TARS3: variants seen among roughly 807,000 people sequenced by gnomAD.
TARS3 encodes threonine--tRNA ligase 2, cytoplasmic.
A neutral mutation model predicts 103.5 loss-of-function variants in TARS3; 94 were observed. That is an observed-to-expected ratio of 0.91 (90% confidence interval 0.77 to 1.08). The LOEUF is 1.08. Ranked by LOEUF, TARS3 falls within the 50% of genes least tolerant of loss-of-function variation. TARS3 has a pLI of 0.00. For synonymous variants in TARS3, 416 were observed against 355.4 expected (o/e 1.17, Z -1.92); for missense variants, 952 against 995.2 (o/e 0.96, Z 0.58).
In TARS3 at chr15:101,721,131, T is replaced by C. The variant is rs139835556; in HGVS notation, c.561A>G (p.Glu187=). The change falls in exon 3 of 19, where the codon GAA becomes GAG. Residue 187 remains glutamate (E), a synonymous_variant. Coordinates refer to ENST00000335968, the MANE Select transcript of TARS3 (RefSeq NM_152334.3). ...TTTTCCACACTGCGGTTTACCTAAT[T>C]TCAGCAGCCACTTGGTAAGGCGTTG... ...WKTTPYQVAA[E]ISQELAESTV... is the part of the protein sequence containing the mutation. The C allele has an allele frequency of 3.1e-3, 4,959 of 1,595,024 alleles. 10 individuals carry two copies. Among genetic ancestry groups the C allele is most frequent in the Non-Finnish European group, 3.9e-3 (4,506 of 1,164,260 alleles).
chr15:101,700,289 C>T (rs1270691021), intron 10 of TARS3, among the ~76,000 whole-genome samples: 1 of 152,174 alleles, frequency 6.6e-6, no homozygotes, highest in African/African-American at 2.4e-5. Context: ...ACTTTCCCAC[C>T]TATGAACTTG....
chr15:101,675,504 T>C, intron 13 of TARS3, 96 bp downstream of exon 13: 1 of 1,254,120 alleles, frequency 8.0e-7, no homozygotes, highest in Non-Finnish European at 1.1e-6. Context: ...TCAAAATTTC[T>C]ATTACAAATT....
intron 10 of TARS3, among the ~76,000 whole-genome samples, chr15:101,691,619 A>G (rs1898728111): frequency 1.3e-5 from 2 of 152,168 alleles, no homozygotes; most frequent in South Asian, 4.1e-4. Flanking sequence ...CACATATTTG[A>G]GATTCACAAC....
chr15:101,656,893 T>G, intron 18 of TARS3, 29 bp downstream of exon 18: 2 of 1,454,740 alleles, frequency 1.4e-6, no homozygotes, highest in South Asian at 1.2e-5. Flanking sequence ...AAAAAAGCAT[T>G]TGGAAAAATA....
At chr15:101,702,185 C>A in intron 9 of TARS3, 54 bp downstream of exon 9, 2 of 1,589,382 alleles carry the variant, frequency 1.3e-6, no homozygotes, top group Non-Finnish European at 1.7e-6. Context: ...GAGACAGAAA[C>A]ATTCCTATGT....
At chr15:101,675,482 T>A in intron 13 of TARS3, 118 bp downstream of exon 13, 1 of 968,732 alleles carries the variant, frequency 1.0e-6, no homozygotes, top group Non-Finnish European at 1.6e-6. Flanking sequence ...ATCTATCTCA[T>A]AATTTCCAGG....
chr15:101,684,638 A>T (rs1898392005), intron 11 of TARS3, among the ~76,000 whole-genome samples: 1 of 152,140 alleles, frequency 6.6e-6, no homozygotes, highest in African/African-American at 2.4e-5. Flanking sequence ...GTCTTTTTAT[A>T]ACAGATTGTC....
intron 13 of TARS3, among the ~76,000 whole-genome samples, chr15:101,672,502 TGCCCATGAGGGGGCAGAC>T (rs1259637160): frequency 1.3e-5 from 2 of 151,940 alleles, no homozygotes; most frequent in African/African-American, 4.8e-5. Context: ...AACATACGGG[TGCCCATGAGGGGGCAGAC>T]TTGGGAGTGA....
At chr15:101,665,015 G>A (rs915949794) in intron 15 of TARS3, among the ~76,000 whole-genome samples, 1 of 152,142 alleles carries the variant, frequency 6.6e-6, no homozygotes, top group African/African-American at 2.4e-5. Context: ...GTAAAGAGTT[G>A]GTGAATTTGA....
intron 16 of TARS3, 110 bp from the exon 17 acceptor site, chr15:101,657,967 C>T (rs1445462504): frequency 3.1e-6 from 2 of 649,742 alleles, no homozygotes; most frequent in East Asian, 3.0e-5. Flanking sequence ...AGGGCAGTTT[C>T]AGTAGCGCAG....
chr15:101,705,562 C>A (rs936098473), intron 7 of TARS3, 121 bp downstream of exon 7: 4 of 752,826 alleles, frequency 5.3e-6, no homozygotes, highest in East Asian at 2.7e-5. Context: ...ATTGTAACTA[C>A]GGTAGATTAT....
At chr15:101,676,800 C>CA (rs1326154455) in intron 12 of TARS3, among the ~76,000 whole-genome samples, 1 of 147,874 alleles carries the variant, frequency 6.8e-6, no homozygotes, top group Non-Finnish European at 1.5e-5. Flanking sequence ...AGCCACTACA[C>CA]CCTTTTTTTT....
chr15:101,675,293 C>T (rs547845482), intron 13 of TARS3, among the ~76,000 whole-genome samples: 7 of 152,322 alleles, frequency 4.6e-5, no homozygotes, highest in Admixed American at 1.3e-4. Flanking sequence ...AAATAAACCA[C>T]ACAAACCGAG....
rs2141374932 is a variant in TARS3 at position 101,654,207 on chromosome 15, A to G, written c.*375T>C. 5.9e-6 allele frequency: 1 copy of G among 168,378 alleles called. No individual in the cohort carries two copies. 10.4% of individuals were successfully genotyped at this position (168,378 alleles called of 1,614,324 possible). On this transcript the variant is annotated 3_prime_UTR_variant, in exon 19 of 19. Coordinates refer to ENST00000335968, the MANE Select transcript of TARS3 (RefSeq NM_152334.3). ...AAAAATACCTGAGACATATTAGAAA[A>G]TAAGATTTTCCCTCCTATTTAAAAA...
At chr15:101,714,605 C>CAAAAAAAAAAAA (rs35014693) in intron 4 of TARS3, 1 of 77,462 alleles carries the variant, frequency 1.3e-5, no homozygotes, top group Admixed American at 2.0e-4. Context: ...GACTCCATCT[C>CAAAAAAAAAAAA]AAAAAAAAAA....
At chr15:101,702,879 T>C (rs1036680061) in intron 8 of TARS3, among the ~76,000 whole-genome samples, 15 of 152,192 alleles carry the variant, frequency 9.9e-5, no homozygotes, top group Admixed American at 3.9e-4. Context: ...GCCTAAATTA[T>C]ACCATTAACC....
chr15:101,720,565 T>C (rs952129026), intron 3 of TARS3, among the ~76,000 whole-genome samples: 13 of 152,178 alleles, frequency 8.5e-5, no homozygotes, highest in Non-Finnish European at 1.5e-5. Flanking sequence ...CAGGAAATGA[T>C]TGTGTTCTGA....
At chr15:101,681,715 A>G (rs957732638) in intron 12 of TARS3, among the ~76,000 whole-genome samples, 2 of 152,138 alleles carry the variant, frequency 1.3e-5, no homozygotes, top group Non-Finnish European at 2.9e-5. Flanking sequence ...ATCTCCTTAA[A>G]AGGGCACTAA....
At chr15:101,682,319 A>C (rs919768656) in intron 12 of TARS3, among the ~76,000 whole-genome samples, 1 of 152,130 alleles carries the variant, frequency 6.6e-6, no homozygotes. Flanking sequence ...TAGTTTTGAG[A>C]GTTTTTATGA....
Sources: allele counts gnomAD v4.1 joint callset (sites outside exome capture counted in the v4.1 genomes callset), GRCh38; gene constraint gnomAD v4.1.1; transcripts MANE v1.5; gene names NCBI Gene and HGNC (gene_info 2026-07-23, HGNC 2026-07-21).